The following CACUL1 variants were observed in gnomAD, a reference collection of about 807,000 sequenced individuals.
The protein encoded by CACUL1 is CDK2 associated cullin domain 1, also known as CDK2-associated and cullin domain-containing protein 1.
CACUL1 carries 13 observed loss-of-function variants against 45.2 expected under a neutral mutation model. The ratio of observed to expected loss-of-function variants is 0.29; its 90% CI spans 0.19 to 0.46. CACUL1 has a LOEUF of 0.46. Among genes scored for constraint, CACUL1 ranks in the 20% least tolerant of loss-of-function variants. CACUL1 has a pLI of 1.00. For synonymous variants in CACUL1, 197 were observed against 174.2 expected (o/e 1.13, Z -1.03); for missense variants, 421 against 471.4 (o/e 0.89, Z 0.99).
intron 7 of CACUL1, among the ~76,000 whole-genome samples, chr10:118,687,065 A>AT (rs940867213): frequency 4.6e-5 from 7 of 151,894 alleles, no homozygotes; most frequent in Non-Finnish European, 5.9e-5. Flanking sequence ...CTGAAACACG[A>AT]TTTTTTTCTC....
In CACUL1 at chr10:118,722,794, G is replaced by A. The variant is rs770672808; in HGVS notation, c.597+6501C>T. 8.6e-4 allele frequency among the ~76,000 whole-genome samples: 131 copies of A among 152,294 alleles called. 1 individual carries two copies. The highest frequency in any genetic ancestry group is 1.0e-3 in the South Asian group (5 of 4,824). ...CCAAACGGAGGACTAGCTAAAAACA[G>A]GTCAGGGCAGAAGCACCTCCCCATA... On this transcript the variant is annotated intron_variant, in intron 3 of 8. Coordinates refer to ENST00000369151, the MANE Select transcript of CACUL1 (RefSeq NM_153810.5).
Position 118,686,645 on chromosome 10 carries a change from G to A in CACUL1, c.1026-4C>T. On this transcript the variant is annotated splice_polypyrimidine_tract_variant and splice_region_variant and intron_variant, in intron 7 of 8. Coordinates refer to ENST00000369151, the MANE Select transcript of CACUL1 (RefSeq NM_153810.5). ...TCTCTTCCGGGACTGGTCACCCCTG[G>A]GGATAAGAAGAGGCAGTCAACAAAA... 1 of 1,611,646 alleles carries A rather than the reference G, an allele frequency of 6.2e-7. No homozygotes were observed. Among genetic ancestry groups the A allele is most frequent in the East Asian group, 2.2e-5 (1 of 44,862 alleles).
rs992830420 is a variant in CACUL1, at chr10:118,754,885, G to C, written c.-123C>G. On this transcript the variant is annotated 5_prime_UTR_variant, in exon 1 of 9. Transcript: ENST00000369151. ...GCGGCAGGAATGGGCGCAGCGGAGA[G>C]GGCTGCGGTGCGCAGGGTCTCTCGC... is the stretch of plus-strand genomic sequence containing the variant. The C allele has an allele frequency of 5.2e-6, 7 of 1,338,782 alleles. No homozygotes were observed. The highest frequency in any genetic ancestry group is 2.6e-5 in the Admixed American group (1 of 38,968). 82.9% of individuals were successfully genotyped at this position (1,338,782 alleles called of 1,614,324 possible).
intron 1 of CACUL1, among the ~76,000 whole-genome samples, chr10:118,744,988 T>C (rs1845827552): frequency 6.6e-6 from 1 of 152,094 alleles, no homozygotes; most frequent in South Asian, 2.1e-4. Flanking sequence ...CGTGACAGTT[T>C]TGAGCAAAAT....
At position 118,711,639 on chromosome 10, in the gene CACUL1, A is replaced by G. The variant is rs543753121; in HGVS notation, c.598-4052T>C. Among the ~76,000 whole-genome samples, 52 of 152,344 alleles carry G rather than the reference A, an allele frequency of 3.4e-4. 1 individual carries two copies. The South Asian group carries it at 6.4e-3, about 19-fold the overall frequency. ...AAAAGATCACTTTATCCAGAAGTTA[A>G]AAGTATAAACATTGATCAAAAAGTA... On this transcript the variant is annotated intron_variant, in intron 3 of 8. Coordinates refer to ENST00000369151, the MANE Select transcript of CACUL1 (RefSeq NM_153810.5).
At chr10:118,703,773 A>G (rs1014650970) in intron 4 of CACUL1, among the ~76,000 whole-genome samples, 3 of 152,168 alleles carry the variant, frequency 2.0e-5, no homozygotes, top group Non-Finnish European at 4.4e-5. Flanking sequence ...AAGTTAGCGG[A>G]AAAAAAGTTA....
chr10:118,716,605 CTT>C (rs61613528), intron 3 of CACUL1, among the ~76,000 whole-genome samples: 10 of 139,800 alleles, frequency 7.2e-5, no homozygotes, highest in Admixed American at 7.2e-5. Context: ...AACACAACCT[CTT>C]TTTTTTTTTT....
chr10:118,726,351 T>G, intron 3 of CACUL1: 1 of 1,286,328 alleles, frequency 7.8e-7, no homozygotes, highest in Non-Finnish European at 1.0e-6. Flanking sequence ...CAGGTCACAT[T>G]TAGTTACTCA....
At chr10:118,731,044 A>T (rs1845693015) in intron 1 of CACUL1, among the ~76,000 whole-genome samples, 1 of 152,204 alleles carries the variant, frequency 6.6e-6, no homozygotes, top group Non-Finnish European at 1.5e-5. Context: ...CCCTGCGCTG[A>T]GGCTTACTTC....
At chr10:118,748,444 G>T (rs1845865894) in intron 1 of CACUL1, among the ~76,000 whole-genome samples, 1 of 152,106 alleles carries the variant, frequency 6.6e-6, no homozygotes, top group African/African-American at 2.4e-5. Context: ...GGGGGAAGGG[G>T]AAACTATGCA....
Position 118,685,918 on chromosome 10 carries a change from A to G in CACUL1, c.*210T>C. ...CTCATTAAAAGATTGTCCCATTTCA[A>G]AATCACCCCCAAGTCTAGCAGCAAC... On this transcript the variant is annotated 3_prime_UTR_variant, in exon 9 of 9. Transcript: ENST00000369151. 1 of 388,742 alleles carries G rather than the reference A, an allele frequency of 2.6e-6. No homozygotes were observed. The allele number at this position is 388,742 out of a possible 1,614,324, so 24.1% of individuals were successfully genotyped here. A position where few individuals can be genotyped will look rare whatever the true frequency, so the allele number is the denominator to read the frequency against.
At chr10:118,717,662 C>G (rs995945622) in intron 3 of CACUL1, among the ~76,000 whole-genome samples, 2 of 152,122 alleles carry the variant, frequency 1.3e-5, no homozygotes, top group Admixed American at 1.3e-4. Flanking sequence ...TGATGGTAGT[C>G]ATAAAAGCAG....
chr10:118,686,706 A>G (rs1589600271), intron 7 of CACUL1, 65 bp from the exon 8 acceptor site: 1 of 1,103,668 alleles, frequency 9.1e-7, no homozygotes, highest in East Asian at 2.3e-5. Flanking sequence ...AAGGATCAAC[A>G]TATTTGATAA....
chr10:118,704,853 C>T (rs1049945516), intron 4 of CACUL1, among the ~76,000 whole-genome samples: 4 of 152,226 alleles, frequency 2.6e-5, no homozygotes, highest in Non-Finnish European at 5.9e-5. Context: ...CAATGTTCAG[C>T]ACATCCTCAT....
chr10:118,689,598 C>T (rs950461753), intron 7 of CACUL1, among the ~76,000 whole-genome samples: 4 of 152,132 alleles, frequency 2.6e-5, no homozygotes, highest in Non-Finnish European at 4.4e-5. Context: ...TGAATAGTGC[C>T]ATGTTTGTCC....
intron 1 of CACUL1, among the ~76,000 whole-genome samples, chr10:118,752,906 T>C (rs891442868): frequency 1.3e-5 from 2 of 152,248 alleles, no homozygotes; most frequent in African/African-American, 4.8e-5. Context: ...CTGATATTTG[T>C]AGTTATTTTC....
intron 7 of CACUL1, among the ~76,000 whole-genome samples, chr10:118,690,294 C>T (rs111761852): frequency 2.1e-4 from 23 of 107,670 alleles, no homozygotes; most frequent in African/African-American, 8.3e-4. Context: ...GGCGACAGAG[C>T]GAGACTCCGT....
chr10:118,701,037 A>G (rs896503602), intron 5 of CACUL1, among the ~76,000 whole-genome samples: 1 of 152,120 alleles, frequency 6.6e-6, no homozygotes, highest in Non-Finnish European at 1.5e-5. Flanking sequence ...GTCAGGAAAA[A>G]GGGGCGGCGG....
At chr10:118,688,103 C>T (rs1159221378) in intron 7 of CACUL1, among the ~76,000 whole-genome samples, 1 of 152,232 alleles carries the variant, frequency 6.6e-6, no homozygotes, top group African/African-American at 2.4e-5. Context: ...AGGGCAGAAA[C>T]CTCTTGCTAA....
Sources: gnomAD v4.1 joint callset for allele counts (sites outside exome capture counted in the v4.1 genomes callset) on GRCh38, gnomAD v4.1.1 for gene constraint, MANE v1.5 for transcripts, NCBI Gene and HGNC (gene_info 2026-07-23, HGNC 2026-07-21) for gene names.